TMEM131L: variants seen among roughly 807,000 people sequenced by gnomAD.
The protein encoded by TMEM131L is transmembrane 131 like.
A neutral mutation model predicts 192.2 loss-of-function variants in TMEM131L; 54 were observed. That is an observed-to-expected ratio of 0.28 (90% CI 0.23 to 0.35). TMEM131L has a LOEUF of 0.35. TMEM131L is among the 10% of genes least tolerant of loss of function. TMEM131L has a pLI of 1.00. For synonymous variants in TMEM131L, 701 were observed against 704.9 expected (o/e 0.99, Z 0.09); for missense variants, 1,888 against 1,972.9 (o/e 0.96, Z 0.82).
chr4:153,609,401 A>T (rs922196322), intron 25 of TMEM131L, among the ~76,000 whole-genome samples: 1 of 152,154 alleles, frequency 6.6e-6, no homozygotes. Flanking sequence ...GTCACCTCCC[A>T]CCAGGCCCCT....
At chr4:153,562,292 T>C (rs1002219625) in intron 7 of TMEM131L, among the ~76,000 whole-genome samples, 34 of 152,182 alleles carry the variant, frequency 2.2e-4, no homozygotes, top group African/African-American at 8.2e-4. Flanking sequence ...CACCTCGGCC[T>C]CCTAAAGTGC....
intron 7 of TMEM131L, among the ~76,000 whole-genome samples, chr4:153,566,341 T>G (rs886301453): frequency 6.6e-6 from 1 of 152,080 alleles, no homozygotes. Context: ...TTCACCATGT[T>G]AGCCAGGATG....
chr4:153,586,102 AATC>A lies in TMEM131L; in HGVS notation c.1312-104_1312-102del, dbSNP rs1328085311. The A allele has an allele frequency of 2.3e-5, 19 of 812,164 alleles. No individual in the cohort carries two copies. The Admixed American group carries it at 4.3e-4, about 19-fold the overall frequency. 50.3% of individuals were successfully genotyped at this position (812,164 alleles called of 1,614,324 possible). A position where few individuals can be genotyped will look rare whatever the true frequency, so the allele number is the denominator to read the frequency against. On this transcript the variant is annotated intron_variant, in intron 13 of 34. Transcript: ENST00000409959. The stretch of plus-strand genomic sequence containing the variant: ...TTTTGATCTGGAAATAACTGAGTAA[AATC>A]ATACTTTCTGAAGTATAGAAGAATG...
At chr4:153,466,649 C>G (rs956308229) in intron 1 of TMEM131L, 128 bp downstream of exon 1, 2 of 924,244 alleles carry the variant, frequency 2.2e-6, no homozygotes, top group Non-Finnish European at 2.8e-6. Context: ...GGAAGGAAAG[C>G]TGTTGCGATT....
At chr4:153,476,181 A>G (rs1580012061) in intron 3 of TMEM131L, among the ~76,000 whole-genome samples, 2 of 151,152 alleles carry the variant, frequency 1.3e-5, no homozygotes, top group African/African-American at 4.9e-5. Context: ...CTGGTCTTGA[A>G]CTCCTAACCT....
At chr4:153,621,034 A>G (rs1733364051) in intron 27 of TMEM131L, among the ~76,000 whole-genome samples, 154 bp downstream of exon 27, 1 of 152,240 alleles carries the variant, frequency 6.6e-6, no homozygotes, top group African/African-American at 2.4e-5. Flanking sequence ...TACATTTGTA[A>G]AATTAACATT....
At chr4:153,615,351 G>A (rs1732903057) in intron 26 of TMEM131L, among the ~76,000 whole-genome samples, 1 of 152,184 alleles carries the variant, frequency 6.6e-6, no homozygotes, top group Non-Finnish European at 1.5e-5. Context: ...TAGACAGTGG[G>A]AGGTGGGGAA....
intron 3 of TMEM131L, among the ~76,000 whole-genome samples, chr4:153,521,678 C>T (rs1735122219): frequency 6.6e-6 from 1 of 152,092 alleles, no homozygotes; most frequent in South Asian, 2.1e-4. Flanking sequence ...AACAATAACT[C>T]CTCATTCCTC....
intron 2 of TMEM131L, among the ~76,000 whole-genome samples, chr4:153,469,007 T>C (rs1730970852): frequency 6.6e-6 from 1 of 152,224 alleles, no homozygotes; most frequent in Non-Finnish European, 1.5e-5. Flanking sequence ...TTAGTAGGTG[T>C]GCTCAGAGAT....
At position 153,484,468 on chromosome 4, in the gene TMEM131L, T is replaced by G. The variant is rs146354481; in HGVS notation, c.239+10580T>G. Among the ~76,000 whole-genome samples the G allele has an allele frequency of 3.3e-3, 506 of 151,658 alleles. 2 individuals are homozygous for G. The highest frequency in any genetic ancestry group is 0.011 in the African/African-American group (468 of 41,486). ...AGTTTTTATTTTTATTATTTTTATT[T>G]TATTTTTATTTTTTTTTTGAGACAG... On this transcript the variant is annotated intron_variant, in intron 3 of 34. Coordinates refer to ENST00000409959, the MANE Select transcript of TMEM131L (RefSeq NM_001131007.2).
In TMEM131L at chr4:153,563,456, CTTTTTT is replaced by C. The variant is rs1177255196; in HGVS notation, c.660+5112_660+5117del. ...AGCAGTGAGAAAACGGATATGTACC[CTTTTTT>C]TTTTTTTTTTTTTTTTTTTTTTTGA... On this transcript the variant is annotated intron_variant, in intron 7 of 34. Coordinates refer to ENST00000409959, the MANE Select transcript of TMEM131L (RefSeq NM_001131007.2). Among the ~76,000 whole-genome samples the C allele has an allele frequency of 8.6e-3, 760 of 88,116 alleles. 5 individuals are homozygous for C. Among genetic ancestry groups the C allele is most frequent in the African/African-American group, 0.034 (727 of 21,442 alleles). The allele number at this position is 88,116 out of a possible 152,430, so 57.8% of individuals were successfully genotyped here.
At chr4:153,607,736 T>C (rs1447940490) in intron 25 of TMEM131L, among the ~76,000 whole-genome samples, 1 of 152,006 alleles carries the variant, frequency 6.6e-6, no homozygotes, top group Non-Finnish European at 1.5e-5. Flanking sequence ...CACCCCCGGG[T>C]GTAGCTTATT....
At chr4:153,596,236 G>A in intron 19 of TMEM131L, 22 bp from the exon 20 acceptor site, 1 of 1,612,470 alleles carries the variant, frequency 6.2e-7, no homozygotes, top group Non-Finnish European at 8.5e-7. Flanking sequence ...AGTATGACAT[G>A]GTTTAATTTG....
intron 7 of TMEM131L, among the ~76,000 whole-genome samples, chr4:153,578,395 AC>A (rs1730103565): frequency 6.6e-6 from 1 of 151,552 alleles, no homozygotes; most frequent in East Asian, 1.9e-4. Flanking sequence ...CACTCTTGTC[AC>A]CCAGGCTGGA....
Position 153,621,665 on chromosome 4 carries a change from T to C in TMEM131L, c.3693-18T>C. On this transcript the variant is annotated intron_variant, in intron 27 of 34. Transcript: ENST00000409959. ...TAAAATACAGATGTGTTTTTTTGTG[T>C]GTGTGTGTCTTTTCCAGGCCTCCTG... 3 of 1,611,776 alleles carry C rather than the reference T, an allele frequency of 1.9e-6. No homozygotes were observed. The highest frequency in any genetic ancestry group is 2.2e-5 in the South Asian group (2 of 90,864).
chr4:153,570,730 GTGGTT>G (rs1729531757), intron 7 of TMEM131L, among the ~76,000 whole-genome samples: 3 of 152,192 alleles, frequency 2.0e-5, no homozygotes. Flanking sequence ...TGTGCACAGG[GTGGTT>G]TCCATTGCCT....
intron 3 of TMEM131L, among the ~76,000 whole-genome samples, chr4:153,483,329 A>T (rs1386506046): frequency 6.6e-6 from 1 of 152,214 alleles, no homozygotes; most frequent in Non-Finnish European, 1.5e-5. Flanking sequence ...ATAATATTTA[A>T]CAGTAAAATA....
At chr4:153,575,070 T>G (rs1055645868) in intron 7 of TMEM131L, among the ~76,000 whole-genome samples, 1 of 152,264 alleles carries the variant, frequency 6.6e-6, no homozygotes, top group Non-Finnish European at 1.5e-5. Flanking sequence ...TCAAGCCTCT[T>G]GTTCATTCTG....
intron 3 of TMEM131L, among the ~76,000 whole-genome samples, chr4:153,499,482 A>C (rs1422963198): frequency 6.7e-6 from 1 of 148,582 alleles, no homozygotes; most frequent in African/African-American, 2.5e-5. Context: ...GCTGGAGTGC[A>C]GTGGCACAAT....
Sources: allele counts gnomAD v4.1 joint callset (sites outside exome capture counted in the v4.1 genomes callset), GRCh38; gene constraint gnomAD v4.1.1; transcripts MANE v1.5; gene names NCBI Gene and HGNC (gene_info 2026-07-23, HGNC 2026-07-21).